Variants in XRCC1 observed in about 807,000 individuals in gnomAD.
The protein encoded by XRCC1 is DNA repair protein XRCC1.
In XRCC1, 52 loss-of-function variants were observed where a neutral mutation model predicts 83.3. That is an observed-to-expected ratio of 0.62 (90% CI 0.50 to 0.79). The LOEUF is 0.79. Among genes scored for constraint, XRCC1 ranks in the 30% least tolerant of loss-of-function variants. XRCC1 has a pLI of 0.00. For synonymous variants in XRCC1, 281 were observed against 312.6 expected, an observed-to-expected ratio of 0.90 and a Z score of 1.07; for missense variants, 793 against 823.5, an observed-to-expected ratio of 0.96 and a Z score of 0.45.
intron 2 of XRCC1, among the ~76,000 whole-genome samples, chr19:43,569,875 GT>G (rs1482682530): frequency 6.6e-6 from 1 of 152,130 alleles, no homozygotes; most frequent in African/African-American, 2.4e-5. Context: ...GATAAGAAAA[GT>G]TTATACCACA....
rs369974548 is a variant in XRCC1, at chr19:43,545,818, C to G, written c.1621G>C (p.Asp541His). The change falls in exon 14 of 17, where the codon GAT (aspartate) becomes CAT (histidine). Residue 541 changes from aspartate (D) to histidine (H), a missense_variant and splice_region_variant. By Grantham distance (81) the Asp-to-His change is moderately conservative. Coordinates refer to ENST00000262887, the MANE Select transcript of XRCC1 (RefSeq NM_006297.3). ...PPDLPVPELPDFFQGKHFFLY... is the reference protein window; with the variant it reads ...PPDLPVPELPHFFQGKHFFLY... ...CAGGAGGGATGGGGGGATTTCCCAC[C>G]TGGGAGCTCAGGGACTGGCAGATCA... 8 of 1,613,386 alleles carry G rather than the reference C, an allele frequency of 5.0e-6. No homozygotes were observed. The African/African-American group carries it at 8.0e-5, about 16-fold the overall frequency.
chr19:43,571,109 TCA>T (rs3213268), intron 2 of XRCC1, among the ~76,000 whole-genome samples: 28,892 of 151,982 alleles, frequency 0.19, 2,820 homozygotes, highest in African/African-American at 0.21. Context: ...GGCTCCTATC[TCA>T]CACCTGGAGT....
In XRCC1 at chr19:43,573,963, C is replaced by T. The variant is rs944466670; in HGVS notation, c.144+947G>A. ...TCCTCATCTGTAAAAGTGGGGATAACAGAGCCTGCCTCTTGGGGTTTTTTA... is the reference window on the plus strand; with the variant it reads ...TCCTCATCTGTAAAAGTGGGGATAATAGAGCCTGCCTCTTGGGGTTTTTTA... On this transcript the variant is annotated intron_variant, in intron 2 of 16. Coordinates refer to ENST00000262887, the MANE Select transcript of XRCC1 (RefSeq NM_006297.3). 3.3e-5 allele frequency among the ~76,000 whole-genome samples: 5 copies of T among 152,306 alleles called. No individual in the cohort carries two copies. In the Middle Eastern group the frequency reaches 0.01, roughly 311 times the overall value.
At chr19:43,559,292 G>A (rs1351020605) in intron 3 of XRCC1, among the ~76,000 whole-genome samples, 1 of 151,556 alleles carries the variant, frequency 6.6e-6, no homozygotes, top group Non-Finnish European at 1.5e-5. Context: ...GACCATCCTG[G>A]CTAACACAGT....
At chr19:43,570,650 C>T (rs1305470784) in intron 2 of XRCC1, among the ~76,000 whole-genome samples, 3 of 152,058 alleles carry the variant, frequency 2.0e-5, no homozygotes, top group Admixed American at 6.6e-5. Context: ...CTGGGCCTGG[C>T]GGCACACGCC....
intron 2 of XRCC1, among the ~76,000 whole-genome samples, chr19:43,562,824 C>T (rs192907502): frequency 1.1e-4 from 17 of 152,324 alleles, no homozygotes; most frequent in Admixed American, 6.5e-4. Flanking sequence ...GGCCAACATC[C>T]GAGTGCACTG....
In XRCC1 at chr19:43,545,702, G is replaced by A. The variant is rs1256424003; in HGVS notation, c.1621+116C>T. On this transcript the variant is annotated intron_variant, in intron 14 of 16. Transcript: ENST00000262887. ...CTGAGGCAGGGAGTGGGTTGAGGAA[G>A]GAGAGGGGAGGCAAGACACGGGGGC... The A allele has an allele frequency of 1.0e-5, 14 of 1,378,482 alleles. No individual in the cohort carries two copies. The Admixed American group carries it at 2.5e-4, about 24-fold the overall frequency. The allele number at this position is 1,378,482 out of a possible 1,614,324, so 85.4% of individuals were successfully genotyped here. A position where few individuals can be genotyped will look rare whatever the true frequency, so the allele number is the denominator to read the frequency against.
In XRCC1 at chr19:43,546,870, A is replaced by G; in HGVS notation, c.1293+14T>C. Reference sequence around the variant, plus strand: ...CCCACTACACCCTCCCCCACTGGACAGGGGGCATCAGACCTTCTGAGGAAG... The same window carrying G: ...CCCACTACACCCTCCCCCACTGGACGGGGGGCATCAGACCTTCTGAGGAAG... On this transcript the variant is annotated intron_variant, in intron 11 of 16. Coordinates refer to ENST00000262887, the MANE Select transcript of XRCC1 (RefSeq NM_006297.3). 1 of 1,613,514 alleles carries G rather than the reference A, an allele frequency of 6.2e-7. No homozygotes were observed. Among genetic ancestry groups the G allele is most frequent in the Non-Finnish European group, 8.5e-7 (1 of 1,179,748 alleles).
At chr19:43,551,429 G>T in intron 10 of XRCC1, 142 bp downstream of exon 10, 1 of 704,248 alleles carries the variant, frequency 1.4e-6, no homozygotes, top group Non-Finnish European at 2.4e-6. Flanking sequence ...CCCAGCCCCT[G>T]CCCCGCTCCT....
intron 12 of XRCC1, 105 bp from the exon 13 acceptor site, chr19:43,546,211 A>G (rs530280471): frequency 3.6e-4 from 476 of 1,305,992 alleles, no homozygotes; most frequent in Non-Finnish European, 4.9e-4. Flanking sequence ...CCCAGCCTCA[A>G]CTGCCCTCCA....
At chr19:43,549,796 T>C (rs1972557614) in intron 10 of XRCC1, among the ~76,000 whole-genome samples, 1 of 152,168 alleles carries the variant, frequency 6.6e-6, no homozygotes, top group East Asian at 1.9e-4. Flanking sequence ...TTTTAGTTTA[T>C]AAATGAGTAC....
intron 3 of XRCC1, among the ~76,000 whole-genome samples, chr19:43,555,952 C>T (rs1390005399): frequency 1.3e-5 from 2 of 152,120 alleles, no homozygotes; most frequent in African/African-American, 4.8e-5. Context: ...CACAGTGGTG[C>T]GATCATAGCT....
chr19:43,552,633 C>T (rs1206774835), intron 8 of XRCC1, among the ~76,000 whole-genome samples, 164 bp downstream of exon 8: 3 of 150,676 alleles, frequency 2.0e-5, no homozygotes, highest in African/African-American at 4.9e-5. Context: ...CCCCTCCTCC[C>T]TCGGATTCAG....
chr19:43,558,619 A>AC (rs1199739972), intron 3 of XRCC1, among the ~76,000 whole-genome samples: 2 of 151,972 alleles, frequency 1.3e-5, no homozygotes, highest in African/African-American at 2.4e-5. Flanking sequence ...ACAGAGTGAG[A>AC]CCCCCATCTC....
chr19:43,551,413 G>A (rs3213369), intron 10 of XRCC1, among the ~76,000 whole-genome samples, 158 bp downstream of exon 10: 1,618 of 152,258 alleles, frequency 0.011, 14 homozygotes, highest in Middle Eastern at 0.017. Flanking sequence ...CCCTCATCTG[G>A]AGTACCCCAG....
In XRCC1 at chr19:43,565,317, G is replaced by A. The variant is rs1224613941; in HGVS notation, c.145-4297C>T. Among the ~76,000 whole-genome samples, 3 of 152,184 alleles carry A rather than the reference G, an allele frequency of 2.0e-5. No individual in the cohort carries two copies. The East Asian group carries it at 5.8e-4, about 29-fold the overall frequency. ...AAAACCACTTTAAATAGAAGGGTCTGTTACGACTCCAGTTTCACAGATGGG... is the reference window on the plus strand; with the variant it reads ...AAAACCACTTTAAATAGAAGGGTCTATTACGACTCCAGTTTCACAGATGGG... On this transcript the variant is annotated intron_variant, in intron 2 of 16. Coordinates refer to ENST00000262887, the MANE Select transcript of XRCC1 (RefSeq NM_006297.3).
intron 8 of XRCC1, among the ~76,000 whole-genome samples, chr19:43,552,540 G>A (rs1463132503): frequency 6.4e-5 from 9 of 141,536 alleles, no homozygotes; most frequent in African/African-American, 2.4e-4. Context: ...CAGGGATCCA[G>A]GCCCCCAACC....
chr19:43,543,355 TG>T lies in XRCC1; in HGVS notation c.*36del. ...ATTAAATGCATCGTGTGTGTGTGTG[TG>T]TGTGTGTGTGTGTGTGTGTGTGTAT... On this transcript the variant is annotated 3_prime_UTR_variant, in exon 17 of 17. Coordinates refer to ENST00000262887, the MANE Select transcript of XRCC1 (RefSeq NM_006297.3). 8.4e-7 allele frequency: 1 copy of T among 1,195,526 alleles called. No homozygotes were observed. Among genetic ancestry groups the T allele is most frequent in the Non-Finnish European group, 1.2e-6 (1 of 854,454 alleles). The allele number at this position is 1,195,526 out of a possible 1,614,324, so 74.1% of individuals were successfully genotyped here.
Position 43,552,083 on chromosome 19 carries a change from C to T in XRCC1, c.1016G>A (p.Arg339Gln), listed in dbSNP as rs377566281. 2.7e-5 allele frequency: 43 copies of T among 1,614,102 alleles called. No homozygotes were observed. Among genetic ancestry groups the T allele is most frequent in the East Asian group, 2.2e-4 (10 of 44,872 alleles). The change falls in exon 9 of 17, where the codon CGA (arginine) becomes CAA (glutamine). Residue 339 changes from arginine to glutamine, a missense_variant. Physicochemically the swap from Arg to Gln is conservative, Grantham distance 43 (BLOSUM62 1). Transcript: ENST00000262887. ...GGCCCCAAGCTCTAGGGCCTTATCT[C>T]GCAGCTCGGAGCGGAAGGGGTTCTG... is the stretch of plus-strand genomic sequence containing the variant. ...GFQNPFRSEL[R>Q]DKALELGAKY...
Sources: gnomAD v4.1 joint callset for allele counts (sites outside exome capture counted in the v4.1 genomes callset) on GRCh38, gnomAD v4.1.1 for gene constraint, MANE v1.5 for transcripts, NCBI Gene and HGNC (gene_info 2026-07-23, HGNC 2026-07-21) for gene names.